The following NDUFA5 variants were observed in gnomAD, a reference collection of about 807,000 sequenced individuals.
NDUFA5 encodes the protein NADH:ubiquinone oxidoreductase subunit A5, also known as NADH dehydrogenase [ubiquinone] 1 alpha subcomplex subunit 5.
NDUFA5 carries 11 observed loss-of-function variants against 19.8 expected under a neutral mutation model. The observed-to-expected ratio is 0.56, with a 90% CI of 0.35 to 0.92. The LOEUF (loss-of-function observed/expected upper bound fraction) is 0.92. Among genes scored for constraint, NDUFA5 ranks in the 40% least tolerant of loss-of-function variants. The pLI is 0.01. For missense variants in NDUFA5, 109 were observed against 134.2 expected, an observed-to-expected ratio of 0.81 and a Z score of 0.93; for synonymous variants, 47 against 46.8, an observed-to-expected ratio of 1.00 and a Z score of -0.01.
chr7:123,598,114 T>C, the NDUFA5 span, among the ~76,000 whole-genome samples: 1 of 152,110 alleles, frequency 6.6e-6, no homozygotes, highest in Non-Finnish European at 1.5e-5. Flanking sequence ...ATGCATATAC[T>C]AAAATGTGTG....
upstream of NDUFA5, chr7:123,558,002 G>A: frequency 4.0e-6 from 3 of 753,530 alleles, no homozygotes; most frequent in Non-Finnish European, 6.3e-6. Context: ...CTAAAGCTAA[G>A]CTAGAAGACG....
In NDUFA5 at chr7:123,537,846, T is replaced by G. The variant is rs1313435680; in HGVS notation, c.*4273A>C. On this transcript the variant is annotated 3_prime_UTR_variant, in exon 5 of 5. Transcript: ENST00000355749. ...TTTTGTAAAAAAAAAAAAATAGTTA[T>G]CTTTAGAAAACCTAATAGATTCACC... is the stretch of plus-strand genomic sequence containing the variant. The G allele has an allele frequency of 6.6e-6, 1 of 152,030 alleles. No homozygotes were observed. The highest frequency in any genetic ancestry group is 1.5e-5 in the Non-Finnish European group (1 of 67,994). The allele number at this position is 152,030 out of a possible 1,614,324, so 9.4% of individuals were successfully genotyped here. A position where few individuals can be genotyped will look rare whatever the true frequency, so the allele number is the denominator to read the frequency against.
intron 3 of NDUFA5, among the ~76,000 whole-genome samples, chr7:123,548,790 A>G (rs761606900): frequency 4.6e-5 from 7 of 152,206 alleles, no homozygotes; most frequent in Non-Finnish European, 7.3e-5. Context: ...AACCAGCTCA[A>G]CATAAATCCT....
At chr7:123,573,569 C>A in the NDUFA5 span, among the ~76,000 whole-genome samples, 2 of 152,098 alleles carry the variant, frequency 1.3e-5, no homozygotes, top group Admixed American at 6.5e-5. Flanking sequence ...CTCCCTCCCC[C>A]TGCCATCCCA....
chr7:123,582,503 C>A, the NDUFA5 span, among the ~76,000 whole-genome samples: 3 of 152,090 alleles, frequency 2.0e-5, no homozygotes, highest in Non-Finnish European at 4.4e-5. Context: ...TATTCTAACT[C>A]TTACCTAAAG....
upstream of NDUFA5, among the ~76,000 whole-genome samples, chr7:123,561,430 C>T (rs35969071): frequency 0.14 from 21,703 of 152,228 alleles, 1,633 homozygotes; most frequent in Middle Eastern, 0.18. Flanking sequence ...GAGATTGCAG[C>T]AGTTCAGTCA....
the NDUFA5 span, among the ~76,000 whole-genome samples, chr7:123,569,947 GT>G: frequency 6.7e-6 from 1 of 148,388 alleles, no homozygotes; most frequent in Non-Finnish European, 1.5e-5. Context: ...TTATTATTAT[GT>G]TTTTGACTAA....
intron 3 of NDUFA5, among the ~76,000 whole-genome samples, chr7:123,547,977 C>A (rs4147632): frequency 0.38 from 56,841 of 151,566 alleles, 10,826 homozygotes; most frequent in African/African-American, 0.43. Context: ...AAATTGAGAC[C>A]GAGAAAACTA....
At chr7:123,557,169 T>C (rs1005346827) in intron 2 of NDUFA5, 4 of 696,082 alleles carry the variant, frequency 5.7e-6, no homozygotes, top group Non-Finnish European at 1.0e-5. Flanking sequence ...CATGAAAATG[T>C]CAAGGAAAAA....
chr7:123,574,858 T>C, the NDUFA5 span, among the ~76,000 whole-genome samples: 1 of 152,234 alleles, frequency 6.6e-6, no homozygotes, highest in South Asian at 2.1e-4. Context: ...ACTCTTTTTA[T>C]TTTTTCTATT....
chr7:123,581,937 A>G, the NDUFA5 span, among the ~76,000 whole-genome samples: 1 of 152,088 alleles, frequency 6.6e-6, no homozygotes, highest in South Asian at 2.1e-4. Flanking sequence ...TGGATTGACT[A>G]GCAAACTGTA....
the NDUFA5 span, among the ~76,000 whole-genome samples, chr7:123,580,560 G>A: frequency 6.6e-6 from 1 of 152,052 alleles, no homozygotes; most frequent in African/African-American, 2.4e-5. Flanking sequence ...ATGCCATGAG[G>A]TTAAATGAGA....
chr7:123,564,768 C>A, the NDUFA5 span, among the ~76,000 whole-genome samples: 1 of 151,730 alleles, frequency 6.6e-6, no homozygotes, highest in Non-Finnish European at 1.5e-5. Flanking sequence ...CGATTGTTTG[C>A]CTTATGATTT....
intron 2 of NDUFA5, chr7:123,557,074 G>A (rs750983397): frequency 7.2e-6 from 4 of 555,120 alleles, no homozygotes; most frequent in South Asian, 6.1e-5. Context: ...ACGCACCTAA[G>A]CAGAAACGGT....
At chr7:123,572,869 C>G in the NDUFA5 span, among the ~76,000 whole-genome samples, 1 of 150,410 alleles carries the variant, frequency 6.6e-6, no homozygotes, top group Non-Finnish European at 1.5e-5. Flanking sequence ...CTTTCTATAC[C>G]CTTATTTTAT....
At chr7:123,546,577 A>G in intron 3 of NDUFA5, 11 of 914,818 alleles carry the variant, frequency 1.2e-5, no homozygotes, top group Non-Finnish European at 1.6e-5. Flanking sequence ...CTGTAAATAT[A>G]CCCACATATG....
chr7:123,564,168 A>G, the NDUFA5 span, among the ~76,000 whole-genome samples: 1 of 152,358 alleles, frequency 6.6e-6, no homozygotes, highest in East Asian at 1.9e-4. Flanking sequence ...AAGAACACCC[A>G]AAACAGGTCT....
chr7:123,579,058 C>G, the NDUFA5 span, among the ~76,000 whole-genome samples: 1 of 152,146 alleles, frequency 6.6e-6, no homozygotes, highest in East Asian at 1.9e-4. Flanking sequence ...GCCCCTCTCG[C>G]TCCCTCCTTC....
chr7:123,547,567 G>C (rs1020819128), intron 3 of NDUFA5, among the ~76,000 whole-genome samples: 1 of 152,010 alleles, frequency 6.6e-6, no homozygotes, highest in African/African-American at 2.4e-5. Flanking sequence ...AGCTGAAAGG[G>C]GGAGAAAAGG....
Sources: allele counts gnomAD v4.1 joint callset (sites outside exome capture counted in the v4.1 genomes callset), GRCh38; gene constraint gnomAD v4.1.1; transcripts MANE v1.5; gene names NCBI Gene and HGNC (gene_info 2026-07-23, HGNC 2026-07-21).